Variants in MINDY2 observed in about 807,000 individuals in gnomAD.
The protein encoded by MINDY2 is MINDY lysine 48 deubiquitinase 2.
A neutral mutation model predicts 68.2 loss-of-function variants in MINDY2; 52 were observed. That is an observed-to-expected ratio of 0.76 (90% CI 0.61 to 0.96). MINDY2 has a LOEUF of 0.96. Ranked by LOEUF, MINDY2 falls within the 40% of genes least tolerant of loss-of-function variation. The pLI, the probability that MINDY2 is intolerant of heterozygous loss-of-function variation, is 0.00. For missense variants in MINDY2, 881 were observed against 773.4 expected (o/e 1.14, Z -1.65); for synonymous variants, 372 against 303.0 (o/e 1.23, Z -2.36).
At chr15:58,791,215 T>TATATATATATATA (rs1901872070) in intron 2 of MINDY2, among the ~76,000 whole-genome samples, 3 of 79,586 alleles carry the variant, frequency 3.8e-5, no homozygotes, top group African/African-American at 1.1e-4. Context: ...GAAAGCAATT[T>TATATATATATATA]TATATATATA....
chr15:58,776,454 TGA>T (rs1302252637), intron 1 of MINDY2, among the ~76,000 whole-genome samples: 6 of 152,140 alleles, frequency 3.9e-5, no homozygotes, highest in African/African-American at 1.4e-4. Context: ...AGATGTGGAA[TGA>T]GAACTAGAAA....
Position 58,856,760 on chromosome 15 carries a change from A to G in MINDY2, c.*2150A>G, listed in dbSNP as rs1290006184. The stretch of plus-strand genomic sequence containing the variant: ...CCGGGACAGATAGTAGTGATAGTGC[A>G]TTATATTTGAATAAGAAAAACAAAC... On this transcript the variant is annotated 3_prime_UTR_variant, in exon 9 of 9. Transcript: ENST00000559228. 1 of 152,256 alleles carries G rather than the reference A, an allele frequency of 6.6e-6. No homozygotes were observed. Among genetic ancestry groups the G allele is most frequent in the African/African-American group, 2.4e-5 (1 of 41,470 alleles). The allele number at this position is 152,256 out of a possible 1,614,324, so 9.4% of individuals were successfully genotyped here.
intron 7 of MINDY2, among the ~76,000 whole-genome samples, 192 bp downstream of exon 7, chr15:58,847,662 C>T (rs1364782179): frequency 2.0e-5 from 3 of 152,168 alleles, no homozygotes; most frequent in Admixed American, 6.5e-5. Flanking sequence ...AAGGCCAGAT[C>T]ATATTGAACT....
At chr15:58,802,267 C>T in intron 2 of MINDY2, 46 bp from the exon 3 acceptor site, 1 of 1,280,082 alleles carries the variant, frequency 7.8e-7, no homozygotes, top group Non-Finnish European at 1.1e-6. Flanking sequence ...ATCAGAAAAA[C>T]AAGTTTTTAA....
chr15:58,821,647 A>AGTG, intron 4 of MINDY2, 70 bp from the exon 5 acceptor site: 1 of 850,936 alleles, frequency 1.2e-6, no homozygotes, highest in Non-Finnish European at 1.7e-6. Flanking sequence ...AATTCTAAAG[A>AGTG]GTGATATGGC....
chr15:58,782,803 C>A (rs1901229825), intron 1 of MINDY2, among the ~76,000 whole-genome samples: 1 of 148,934 alleles, frequency 6.7e-6, no homozygotes, highest in African/African-American at 2.5e-5. Context: ...TTAGTTTATT[C>A]TTTGAATGGA....
chr15:58,853,819 TAAAAAAAAAAA>T (rs10563818), intron 8 of MINDY2, among the ~76,000 whole-genome samples: 1 of 102,202 alleles, frequency 9.8e-6, no homozygotes, highest in African/African-American at 3.8e-5. Context: ...TCCATCTCAA[TAAAAAAAAAAA>T]AAAAAAAAAA....
chr15:58,778,720 G>A lies in MINDY2; in HGVS notation c.840+6485G>A, dbSNP rs1206325690. On this transcript the variant is annotated intron_variant, in intron 1 of 8. Coordinates refer to ENST00000559228, the MANE Select transcript of MINDY2 (RefSeq NM_001040450.3). Reference sequence around the variant, plus strand: ...TGGCTCCGAATAGCCTCGACCTCCCGAGCTCAAGCAATCCTCCCACCTCAG... The same window carrying A: ...TGGCTCCGAATAGCCTCGACCTCCCAAGCTCAAGCAATCCTCCCACCTCAG... Among the ~76,000 whole-genome samples, 2 of 151,370 alleles carry A rather than the reference G, an allele frequency of 1.3e-5. 1 individual carries two copies. Among genetic ancestry groups the A allele is most frequent in the Non-Finnish European group, 2.9e-5 (2 of 67,922 alleles).
At chr15:58,835,455 C>A (rs2031947637) in intron 6 of MINDY2, among the ~76,000 whole-genome samples, 1 of 152,090 alleles carries the variant, frequency 6.6e-6, no homozygotes, top group Non-Finnish European at 1.5e-5. Flanking sequence ...GAGTTTGAGA[C>A]CAGCCTGGCC....
At chr15:58,785,135 CAAAAAAAAA>C (rs397719705) in intron 1 of MINDY2, among the ~76,000 whole-genome samples, 1 of 68,470 alleles carries the variant, frequency 1.5e-5, no homozygotes, top group Non-Finnish European at 2.7e-5. Context: ...TGAAGGAAAG[CAAAAAAAAA>C]AAAAAAAAAA....
chr15:58,838,668 C>T (rs1215752355), intron 6 of MINDY2, among the ~76,000 whole-genome samples: 2 of 144,708 alleles, frequency 1.4e-5, no homozygotes, highest in African/African-American at 5.3e-5. Flanking sequence ...CTCACCACAA[C>T]CTCCACCTCT....
chr15:58,833,964 A>G (rs2031871444), intron 6 of MINDY2, among the ~76,000 whole-genome samples: 1 of 152,152 alleles, frequency 6.6e-6, no homozygotes, highest in South Asian at 2.1e-4. Context: ...AACTTTGGAC[A>G]ATACCTGGCT....
At chr15:58,849,511 GA>G (rs1322106457) in intron 7 of MINDY2, among the ~76,000 whole-genome samples, 15 of 151,862 alleles carry the variant, frequency 9.9e-5, no homozygotes, top group African/African-American at 2.7e-4. Flanking sequence ...TCTCAAAAAA[GA>G]AAAAAACTGG....
chr15:58,805,740 T>TA (rs1463461495), intron 3 of MINDY2, among the ~76,000 whole-genome samples: 1 of 151,016 alleles, frequency 6.6e-6, no homozygotes, highest in African/African-American at 2.4e-5. Flanking sequence ...AAAACCCTTT[T>TA]AAAATAAGTT....
intron 8 of MINDY2, among the ~76,000 whole-genome samples, chr15:58,854,133 A>G (rs2032965985): frequency 6.6e-6 from 1 of 151,924 alleles, no homozygotes; most frequent in South Asian, 2.1e-4. Flanking sequence ...AATCCTAGCT[A>G]CTTGGGAGGC....
intron 7 of MINDY2, among the ~76,000 whole-genome samples, chr15:58,850,329 T>A (rs190714751): frequency 6.6e-6 from 1 of 152,316 alleles, no homozygotes; most frequent in East Asian, 1.9e-4. Flanking sequence ...CTTGGGAAAT[T>A]CTTATTTTCT....
chr15:58,844,928 A>G (rs1200104216), intron 6 of MINDY2, among the ~76,000 whole-genome samples: 1 of 149,126 alleles, frequency 6.7e-6, no homozygotes, highest in Non-Finnish European at 1.5e-5. Context: ...CTAAAAAAAA[A>G]AAAAAAAAAA....
chr15:58,794,877 A>G lies in MINDY2; in HGVS notation c.898+6914A>G, dbSNP rs530479744. Among the ~76,000 whole-genome samples, 6 of 152,246 alleles carry G rather than the reference A, an allele frequency of 3.9e-5. No homozygotes were observed. The East Asian group carries it at 7.7e-4, about 20-fold the overall frequency. ...ATAAGAATTTAGAAGTCATCAGTAT[A>G]AAAATGGTATTTAAATCTGTGGAAG... On this transcript the variant is annotated intron_variant, in intron 2 of 8. Coordinates refer to ENST00000559228, the MANE Select transcript of MINDY2 (RefSeq NM_001040450.3).
intron 4 of MINDY2, among the ~76,000 whole-genome samples, chr15:58,814,147 T>G (rs561737196): frequency 6.6e-6 from 1 of 152,004 alleles, no homozygotes; most frequent in South Asian, 2.1e-4. Context: ...ACCATGTTAA[T>G]CAGACTGGTC....
Sources: gnomAD v4.1 joint callset for allele counts (sites outside exome capture counted in the v4.1 genomes callset) on GRCh38, gnomAD v4.1.1 for gene constraint, MANE v1.5 for transcripts, NCBI Gene and HGNC (gene_info 2026-07-23, HGNC 2026-07-21) for gene names.